Variants in ADARB2 observed in about 807,000 individuals in gnomAD.
ADARB2 encodes the protein inactive double-stranded RNA-specific editase B2.
A neutral mutation model predicts 62.2 loss-of-function variants in ADARB2; 25 were observed. That is an observed-to-expected ratio of 0.40 (90% confidence interval 0.29 to 0.56). ADARB2 has a LOEUF of 0.56. Among genes scored for constraint, ADARB2 ranks in the 20% least tolerant of loss-of-function variants. The probability of loss-of-function intolerance (pLI) is 0.43; values close to 1 mark genes in which losing one functional copy is unlikely to be tolerated. For synonymous variants in ADARB2, 572 were observed against 500.8 expected (o/e 1.14, Z -1.90); for missense variants, 1,071 against 1,077.4 (o/e 0.99, Z 0.08).
chr10:1,418,724 G>C (rs550108830), intron 1 of ADARB2, among the ~76,000 whole-genome samples: 1 of 152,158 alleles, frequency 6.6e-6, no homozygotes, highest in African/African-American at 2.4e-5. Flanking sequence ...AGCTAGTTTT[G>C]GGCCGAGCAA....
chr10:1,462,535 G>A lies in ADARB2; in HGVS notation c.101-83375C>T, dbSNP rs564664663. ...GTGTAGTGTGCCTGTATGTGCCTGTGTGTATGTACATGAGTGTATGTGCCT... is the reference window on the plus strand; with the variant it reads ...GTGTAGTGTGCCTGTATGTGCCTGTATGTATGTACATGAGTGTATGTGCCT... On this transcript the variant is annotated intron_variant, in intron 1 of 9. Coordinates refer to ENST00000381312, the MANE Select transcript of ADARB2 (RefSeq NM_018702.4). Among the ~76,000 whole-genome samples the A allele has an allele frequency of 4.0e-3, 608 of 151,904 alleles. 6 individuals carry two copies. The highest frequency in any genetic ancestry group is 0.014 in the African/African-American group (576 of 41,432).
intron 3 of ADARB2, among the ~76,000 whole-genome samples, chr10:1,327,024 C>A (rs1831862725): frequency 2.9e-5 from 2 of 68,102 alleles, no homozygotes; most frequent in African/African-American, 1.2e-4. Context: ...CCCCACGGCA[C>A]AGCGCCTCCC....
At position 1,241,020 on chromosome 10, in the gene ADARB2, C is replaced by T. The variant is rs566462879; in HGVS notation, c.1361+1111G>A. Among the ~76,000 whole-genome samples the T allele has an allele frequency of 5.9e-5, 9 of 152,152 alleles. No homozygotes were observed. In the South Asian group the frequency reaches 1.9e-3, roughly 32 times the overall value. On this transcript the variant is annotated intron_variant, in intron 5 of 9. Coordinates refer to ENST00000381312, the MANE Select transcript of ADARB2 (RefSeq NM_018702.4). ...GCACAGTGGCTCATGCCTGTAATCT[C>T]AGCACTTTGGGAGGCCGAGATAGGG...
intron 1 of ADARB2, among the ~76,000 whole-genome samples, chr10:1,558,923 A>G (rs1832751034): frequency 1.3e-5 from 2 of 152,248 alleles, no homozygotes; most frequent in African/African-American, 4.8e-5. Context: ...TTTATGTTCC[A>G]TGAGAACCAA....
intron 8 of ADARB2, among the ~76,000 whole-genome samples, chr10:1,187,441 C>G (rs1184852278): frequency 6.6e-6 from 1 of 152,250 alleles, no homozygotes; most frequent in Non-Finnish European, 1.5e-5. Context: ...CTTCTGGTCT[C>G]CATGACCATC....
At chr10:1,690,396 CT>C (rs1173308874) in intron 1 of ADARB2, among the ~76,000 whole-genome samples, 2 of 152,138 alleles carry the variant, frequency 1.3e-5, no homozygotes, top group Non-Finnish European at 2.9e-5. Flanking sequence ...TGATCCAAAG[CT>C]TTTGTGTTAA....
At chr10:1,711,783 G>T (rs947468041) in intron 1 of ADARB2, among the ~76,000 whole-genome samples, 4 of 152,186 alleles carry the variant, frequency 2.6e-5, no homozygotes, top group Non-Finnish European at 5.9e-5. Context: ...GGCTCTTATA[G>T]ATTTACATGC....
At chr10:1,691,041 C>CA (rs1333152031) in intron 1 of ADARB2, among the ~76,000 whole-genome samples, 1 of 152,180 alleles carries the variant, frequency 6.6e-6, no homozygotes. Flanking sequence ...GGTGTCCCCC[C>CA]AAATTCCCAT....
rs968990304 is a variant in ADARB2 at position 1,182,949 on chromosome 10, T to C, written c.*244A>G. ...CCTCCCTCAGACTCCACAGGAAGAG[T>C]CGGCGCTAACTCAACAGTGCATGTG... On this transcript the variant is annotated 3_prime_UTR_variant, in exon 10 of 10. Transcript: ENST00000381312. 4 of 476,040 alleles carry C rather than the reference T, an allele frequency of 8.4e-6. No individual in the cohort carries two copies. The highest frequency in any genetic ancestry group is 5.7e-5 in the South Asian group (2 of 34,856). The allele number at this position is 476,040 out of a possible 1,614,324, so 29.5% of individuals were successfully genotyped here.
intron 1 of ADARB2, among the ~76,000 whole-genome samples, chr10:1,534,138 T>C (rs1832290878): frequency 1.2e-5 from 1 of 85,734 alleles, no homozygotes; most frequent in African/African-American, 4.0e-5. Context: ...ATTGAAATAG[T>C]TTTTTTTTTT....
chr10:1,467,564 AG>A (rs1831268431), intron 1 of ADARB2, among the ~76,000 whole-genome samples: 1 of 152,170 alleles, frequency 6.6e-6, no homozygotes, highest in Admixed American at 6.5e-5. Context: ...ACAAATCCAA[AG>A]GCACCTGCTG....
At chr10:1,266,504 TGGGGGGTG>T (rs1314196433) in intron 4 of ADARB2, among the ~76,000 whole-genome samples, 2 of 19,828 alleles carry the variant, frequency 1.0e-4, no homozygotes, top group Non-Finnish European at 2.3e-4. Context: ...GGCGCTGTGG[TGGGGGGTG>T]GGGGGGGGGC....
chr10:1,495,591 G>C (rs1320388286), intron 1 of ADARB2, among the ~76,000 whole-genome samples: 1 of 130,268 alleles, frequency 7.7e-6, no homozygotes, highest in Non-Finnish European at 1.8e-5. Context: ...TCTTTAAGGT[G>C]GTAAGCTTTA....
chr10:1,595,491 C>T (rs567057259), intron 1 of ADARB2, among the ~76,000 whole-genome samples: 10 of 152,234 alleles, frequency 6.6e-5, no homozygotes, highest in East Asian at 1.9e-4. Flanking sequence ...GTGTGGAGGG[C>T]GGATGTGGCA....
At chr10:1,476,713 C>T (rs535940468) in intron 1 of ADARB2, among the ~76,000 whole-genome samples, 9 of 152,278 alleles carry the variant, frequency 5.9e-5, no homozygotes, top group East Asian at 1.9e-4. Context: ...CTGATTTGCA[C>T]GGTGGATTTG....
chr10:1,327,301 C>A (rs1284481531), intron 3 of ADARB2, among the ~76,000 whole-genome samples: 1 of 44,272 alleles, frequency 2.3e-5, no homozygotes, highest in Non-Finnish European at 4.5e-5. Context: ...CAGCGCCTCC[C>A]CACGGCACAG....
chr10:1,242,698 T>TTG (rs1830938721), intron 4 of ADARB2, among the ~76,000 whole-genome samples: 1 of 152,172 alleles, frequency 6.6e-6, no homozygotes, highest in Admixed American at 6.5e-5. Context: ...CTAACCACCT[T>TTG]TGTGCTTTCT....
chr10:1,444,271 CCATCTATCTA>C (rs146694215), intron 1 of ADARB2, among the ~76,000 whole-genome samples: 8,715 of 105,808 alleles, frequency 0.082, 304 homozygotes, highest in East Asian at 0.11. Flanking sequence ...CCATCTATTT[CCATCTATCTA>C]CATCCATCCA....
chr10:1,420,609 AGGG>A (rs1489310884), intron 1 of ADARB2, among the ~76,000 whole-genome samples: 5 of 61,216 alleles, frequency 8.2e-5, no homozygotes, highest in African/African-American at 2.0e-4. Context: ...TTCCAGAAAG[AGGG>A]AAAAAAAAAA....
Sources: gnomAD v4.1 joint callset for allele counts (sites outside exome capture counted in the v4.1 genomes callset) on GRCh38, gnomAD v4.1.1 for gene constraint, MANE v1.5 for transcripts, NCBI Gene and HGNC (gene_info 2026-07-23, HGNC 2026-07-21) for gene names.